RGS7: variants seen among roughly 807,000 people sequenced by gnomAD.
The protein encoded by RGS7 is regulator of G-protein signaling 7.
RGS7 carries 27 observed loss-of-function variants against 81.1 expected under a neutral mutation model. The ratio of observed to expected loss-of-function variants is 0.33; its 90% confidence interval spans 0.25 to 0.46. The LOEUF is 0.46. RGS7 is among the 20% of genes least tolerant of loss of function. The pLI is 1.00. For missense variants in RGS7, 396 were observed against 607.4 expected (o/e 0.65, Z 3.66); for synonymous variants, 208 against 207.7 (o/e 1.00, Z -0.01).
At chr1:241,182,565 G>GA (rs1468893763) in intron 2 of RGS7, among the ~76,000 whole-genome samples, 10 of 151,564 alleles carry the variant, frequency 6.6e-5, no homozygotes, top group African/African-American at 2.4e-4. Flanking sequence ...CCTCCGTTTT[G>GA]AAAATTGAGT....
intron 3 of RGS7, among the ~76,000 whole-genome samples, chr1:241,038,017 C>T (rs1202077557): frequency 6.6e-6 from 1 of 152,064 alleles, no homozygotes; most frequent in Admixed American, 6.6e-5. Context: ...GTGTATACTG[C>T]TCAGGTATAA....
intron 3 of RGS7, among the ~76,000 whole-genome samples, chr1:241,003,782 C>G (rs1236082568): frequency 6.6e-6 from 1 of 152,130 alleles, no homozygotes; most frequent in African/African-American, 2.4e-5. Flanking sequence ...TGGAGTCTCG[C>G]TCTGTCACCA....
intron 3 of RGS7, among the ~76,000 whole-genome samples, chr1:241,073,276 TG>T (rs2148874081): frequency 6.6e-6 from 1 of 152,332 alleles, no homozygotes; most frequent in East Asian, 1.9e-4. Flanking sequence ...CAGCTTCTAT[TG>T]GTTTGGGGAA....
intron 3 of RGS7, among the ~76,000 whole-genome samples, chr1:241,087,446 A>G (rs2063511974): frequency 6.6e-6 from 1 of 152,222 alleles, no homozygotes; most frequent in Non-Finnish European, 1.5e-5. Flanking sequence ...AAGTATAATT[A>G]TTATTCACCC....
Position 241,004,114 on chromosome 1 carries a change from C to T in RGS7, c.176-20985G>A, listed in dbSNP as rs147404004. ...TCATTTCTACCCAGAAGGACTTCAC[C>T]GCCTACTAAGGCAAGCTGTGTATAG... On this transcript the variant is annotated intron_variant, in intron 3 of 18. Coordinates refer to ENST00000440928, the MANE Select transcript of RGS7 (RefSeq NM_001364886.1). 9.0e-4 allele frequency among the ~76,000 whole-genome samples: 137 copies of T among 152,298 alleles called. 1 individual carries two copies. The highest frequency in any genetic ancestry group is 3.1e-3 in the African/African-American group (128 of 41,556).
chr1:240,987,173 A>T (rs866669646), intron 3 of RGS7, among the ~76,000 whole-genome samples: 3 of 152,078 alleles, frequency 2.0e-5, no homozygotes, highest in South Asian at 2.1e-4. Flanking sequence ...CATGAAAAAA[A>T]TTGCAAAATA....
intron 14 of RGS7, 54 bp from the exon 15 acceptor site, chr1:240,806,380 T>C: frequency 1.9e-6 from 3 of 1,551,438 alleles, no homozygotes; most frequent in Middle Eastern, 3.4e-4. Context: ...ATCTGAAAAT[T>C]CTTGTGACAT....
At chr1:241,104,117 T>C (rs1357288910) in intron 2 of RGS7, among the ~76,000 whole-genome samples, 1 of 152,184 alleles carries the variant, frequency 6.6e-6, no homozygotes, top group Non-Finnish European at 1.5e-5. Flanking sequence ...TGTATACATC[T>C]TATCAAGGGT....
intron 2 of RGS7, among the ~76,000 whole-genome samples, chr1:241,345,422 G>A (rs564055860): frequency 1.3e-5 from 2 of 152,212 alleles, no homozygotes; most frequent in African/African-American, 2.4e-5. Context: ...AGTGAACTAC[G>A]ACATGATACT....
At chr1:241,196,040 C>T (rs975108023) in intron 2 of RGS7, among the ~76,000 whole-genome samples, 15 of 151,896 alleles carry the variant, frequency 9.9e-5, no homozygotes, top group Admixed American at 7.2e-4. Context: ...TAGCTAGATG[C>T]ATCATAGTTA....
In RGS7 at chr1:240,811,959, G is replaced by A; in HGVS notation, c.1041C>T (p.Phe347=). 6.2e-7 allele frequency: 1 copy of A among 1,613,576 alleles called. No homozygotes were observed. The highest frequency in any genetic ancestry group is 8.5e-7 in the Non-Finnish European group (1 of 1,179,540). The change falls in exon 14 of 19, where the codon TTC becomes TTT. Residue 347 remains phenylalanine (F), a synonymous_variant. Coordinates refer to ENST00000440928, the MANE Select transcript of RGS7 (RefSeq NM_001364886.1). ...TGAATTCTGACTCTAGAAATTTAAG[G>A]AACTGTTCTCTCCCAACTGGGTCTT... is the stretch of plus-strand genomic sequence containing the variant. ...ALKDPVGREQ[F]LKFLESEFSS... is the part of the protein sequence containing the mutation.
intron 4 of RGS7, among the ~76,000 whole-genome samples, chr1:240,959,426 T>A (rs551103877): frequency 1.2e-4 from 19 of 152,336 alleles, no homozygotes; most frequent in African/African-American, 4.6e-4. Flanking sequence ...CATGTGACTG[T>A]ACCGAATACT....
chr1:241,106,903 T>TA (rs2065156757), intron 2 of RGS7, among the ~76,000 whole-genome samples: 1 of 151,712 alleles, frequency 6.6e-6, no homozygotes, highest in African/African-American at 2.4e-5. Flanking sequence ...CTGCTTTTTT[T>TA]TTTTTAAATA....
intron 2 of RGS7, among the ~76,000 whole-genome samples, chr1:241,278,585 A>T (rs2078323323): frequency 6.6e-6 from 1 of 152,114 alleles, no homozygotes; most frequent in Non-Finnish European, 1.5e-5. Context: ...TTCACCACAG[A>T]GCTCACAACT....
chr1:241,281,252 C>G (rs1259744943), intron 2 of RGS7, among the ~76,000 whole-genome samples: 1 of 152,104 alleles, frequency 6.6e-6, no homozygotes, highest in African/African-American at 2.4e-5. Flanking sequence ...CTTAAAGATG[C>G]AGTATTAAAT....
intron 3 of RGS7, among the ~76,000 whole-genome samples, chr1:241,039,422 A>G (rs2060492247): frequency 6.6e-6 from 1 of 152,144 alleles, no homozygotes; most frequent in African/African-American, 2.4e-5. Context: ...TCAGACACAG[A>G]AGCAGAATGG....
chr1:240,933,087 T>G (rs1032185307), intron 5 of RGS7, among the ~76,000 whole-genome samples: 30 of 150,250 alleles, frequency 2.0e-4, no homozygotes, highest in Non-Finnish European at 1.6e-4. Context: ...TTTCACCGTG[T>G]TAGCCAGGAT....
chr1:241,013,732 A>G (rs889666064), intron 3 of RGS7, among the ~76,000 whole-genome samples: 1 of 152,114 alleles, frequency 6.6e-6, no homozygotes, highest in African/African-American at 2.4e-5. Flanking sequence ...AAAAGAAATG[A>G]CCCCTGTCAA....
chr1:240,788,552 C>G lies in RGS7; in HGVS notation c.*6+12089G>C, dbSNP rs1422611313. Among the ~76,000 whole-genome samples, 3 of 152,174 alleles carry G rather than the reference C, an allele frequency of 2.0e-5. No homozygotes were observed. The East Asian group carries it at 5.8e-4, about 29-fold the overall frequency. ...ATTGGATCCATCAGAAAATGACTTA[C>G]GTAGACTTTCTGAAAGATGGAGTCC... On this transcript the variant is annotated intron_variant, in intron 18 of 18. Coordinates refer to ENST00000440928, the MANE Select transcript of RGS7 (RefSeq NM_001364886.1).
Sources: allele counts gnomAD v4.1 joint callset (sites outside exome capture counted in the v4.1 genomes callset), GRCh38; gene constraint gnomAD v4.1.1; transcripts MANE v1.5; gene names NCBI Gene and HGNC (gene_info 2026-07-23, HGNC 2026-07-21).